The following FAM200B variants were observed in gnomAD, a reference collection of about 807,000 sequenced individuals.
FAM200B encodes zinc finger BED-type containing 11, also known as protein FAM200B.
FAM200B carries 32 observed loss-of-function variants against 33.1 expected under a neutral mutation model. The ratio of observed to expected loss-of-function variants is 0.97; its 90% CI spans 0.73 to 1.30. The LOEUF is 1.30. FAM200B is among the 50% of genes most tolerant of loss of function. FAM200B has a pLI of 0.00. For synonymous variants in FAM200B, 240 were observed against 264.8 expected (o/e 0.91, Z 0.91); for missense variants, 741 against 754.0 (o/e 0.98, Z 0.20).
At chr4:15,652,607 C>G in the FAM200B span, among the ~76,000 whole-genome samples, 8 of 152,130 alleles carry the variant, frequency 5.3e-5, no homozygotes, top group African/African-American at 1.9e-4. Context: ...TTTTCTCATC[C>G]TATTCACCTT....
At chr4:15,673,148 A>G in the FAM200B span, among the ~76,000 whole-genome samples, 2 of 152,324 alleles carry the variant, frequency 1.3e-5, no homozygotes, top group East Asian at 3.9e-4. Context: ...AGTATACTCT[A>G]AAATAACAAT....
chr4:15,679,988 C>G (rs1327097881), upstream of FAM200B, among the ~76,000 whole-genome samples: 1 of 152,014 alleles, frequency 6.6e-6, no homozygotes, highest in African/African-American at 2.4e-5. Flanking sequence ...GAAACAACGC[C>G]AAGTGTCCAC....
rs1250359914 is a variant in FAM200B, at chr4:15,687,965, C to T, written c.988C>T (p.Arg330Cys). The T allele has an allele frequency of 3.9e-6, 6 of 1,550,880 alleles. No homozygotes were observed. The highest frequency in any genetic ancestry group is 3.9e-5 in the Admixed American group (2 of 50,956). Residue 330 changes from arginine to cysteine, a missense_variant, in exon 2 of 2, where the codon CGT (arginine) becomes TGT (cysteine). Coordinates refer to ENST00000422728, the MANE Select transcript of FAM200B (RefSeq NM_001145191.2). ...GAVWNHCFIH[R>C]EGLASREIPQ... Reference sequence around the variant, plus strand: ...TGTGTGGAATCATTGTTTTATACATCGTGAAGGTTTAGCATCCAGAGAAAT... The same window carrying T: ...TGTGTGGAATCATTGTTTTATACATTGTGAAGGTTTAGCATCCAGAGAAAT...
the FAM200B span, among the ~76,000 whole-genome samples, chr4:15,673,412 C>A: frequency 1.6e-4 from 24 of 152,062 alleles, no homozygotes; most frequent in East Asian, 4.5e-3. Context: ...CTCTACTCCA[C>A]CCTGGGCAAC....
the FAM200B span, among the ~76,000 whole-genome samples, chr4:15,639,738 G>C: frequency 1.3e-5 from 2 of 152,158 alleles, no homozygotes; most frequent in African/African-American, 2.4e-5. Flanking sequence ...AAATACCCAG[G>C]TCAATGCATG....
chr4:15,675,345 A>C, the FAM200B span, among the ~76,000 whole-genome samples: 1 of 152,232 alleles, frequency 6.6e-6, no homozygotes, highest in Non-Finnish European at 1.5e-5. Context: ...AGTACCACAA[A>C]TAAAAATTAT....
At chr4:15,667,840 G>C in the FAM200B span, among the ~76,000 whole-genome samples, 1 of 152,032 alleles carries the variant, frequency 6.6e-6, no homozygotes, top group African/African-American at 2.4e-5. Context: ...TCAGGAGTTC[G>C]AGACTAGCCT....
At chr4:15,664,361 C>CA in the FAM200B span, among the ~76,000 whole-genome samples, 1 of 152,040 alleles carries the variant, frequency 6.6e-6, no homozygotes, top group South Asian at 2.1e-4. Context: ...GTTTCTAAAA[C>CA]AAAAAATCTA....
At chr4:15,681,937 G>C (rs1181299889) in intron 1 of FAM200B, 36 bp downstream of exon 1, 3 of 152,772 alleles carry the variant, frequency 2.0e-5, no homozygotes, top group African/African-American at 7.2e-5. Context: ...GATGGGAGTG[G>C]ACCGGAGTCC....
At position 15,689,122 on chromosome 4, in the gene FAM200B, G is replaced by T. The variant is rs1020440501; in HGVS notation, c.*171G>T. The T allele has an allele frequency of 2.0e-6, 1 of 497,054 alleles. No individual in the cohort carries two copies. The allele number at this position is 497,054 out of a possible 1,614,324, so 30.8% of individuals were successfully genotyped here. A position where few individuals can be genotyped will look rare whatever the true frequency, so the allele number is the denominator to read the frequency against. ...TTGAACAAAAATTTAATGAATTTCT[G>T]TTAGAGGCCAGGAACTATTCTAGAG... On this transcript the variant is annotated 3_prime_UTR_variant, in exon 2 of 2. Coordinates refer to ENST00000422728, the MANE Select transcript of FAM200B (RefSeq NM_001145191.2).
chr4:15,656,907 A>C, the FAM200B span, among the ~76,000 whole-genome samples: 1 of 150,634 alleles, frequency 6.6e-6, no homozygotes, highest in African/African-American at 2.4e-5. Flanking sequence ...CCCACAAATT[A>C]GTAAGTCAAA....
chr4:15,663,228 TAGTC>T, the FAM200B span, among the ~76,000 whole-genome samples: 2 of 152,218 alleles, frequency 1.3e-5, no homozygotes, highest in Non-Finnish European at 2.9e-5. Flanking sequence ...ACATTGATAA[TAGTC>T]ATTCATTATT....
chr4:15,669,285 G>A, the FAM200B span, among the ~76,000 whole-genome samples: 1 of 152,178 alleles, frequency 6.6e-6, no homozygotes, highest in South Asian at 2.1e-4. Flanking sequence ...CTTTACTGTA[G>A]GCAATTGTAA....
the FAM200B span, among the ~76,000 whole-genome samples, chr4:15,641,844 C>T: frequency 1.4e-4 from 22 of 151,948 alleles, no homozygotes; most frequent in East Asian, 5.8e-4. Context: ...CAGCCCAACG[C>T]GGCGAAACCC....
chr4:15,650,955 TTC>T, the FAM200B span, among the ~76,000 whole-genome samples: 1 of 152,180 alleles, frequency 6.6e-6, no homozygotes, highest in Non-Finnish European at 1.5e-5. Flanking sequence ...GTCTCAGACA[TTC>T]TACAGTGATA....
At chr4:15,670,710 GAA>G in the FAM200B span, among the ~76,000 whole-genome samples, 3 of 148,876 alleles carry the variant, frequency 2.0e-5, no homozygotes, top group African/African-American at 5.0e-5. Flanking sequence ...TTGAAAAAAG[GAA>G]AAAAAAAAAC....
At chr4:15,669,011 A>G in the FAM200B span, among the ~76,000 whole-genome samples, 3 of 152,258 alleles carry the variant, frequency 2.0e-5, no homozygotes, top group African/African-American at 7.2e-5. Context: ...AATAAGCTGC[A>G]TAACACTTGT....
At chr4:15,644,752 A>T in the FAM200B span, 1 of 1,354,066 alleles carries the variant, frequency 7.4e-7, no homozygotes, top group East Asian at 2.4e-5. Flanking sequence ...ATACGTGCAA[A>T]TATGCACAAA....
upstream of FAM200B, chr4:15,681,142 A>C (rs1174359179): frequency 6.6e-6 from 1 of 152,170 alleles, no homozygotes; most frequent in Non-Finnish European, 1.5e-5. Flanking sequence ...GTTAAAAATC[A>C]ATGATCTGCT....
Sources: allele counts gnomAD v4.1 joint callset (sites outside exome capture counted in the v4.1 genomes callset), GRCh38; gene constraint gnomAD v4.1.1; transcripts MANE v1.5; gene names NCBI Gene and HGNC (gene_info 2026-07-23, HGNC 2026-07-21).